The following ALK variants were observed in gnomAD, a reference collection of about 807,000 sequenced individuals.
ALK encodes ALK tyrosine kinase receptor.
ALK carries 74 observed loss-of-function variants against 163.1 expected under a neutral mutation model. That is an observed-to-expected ratio of 0.45 (90% CI 0.38 to 0.55). The LOEUF (loss-of-function observed/expected upper bound fraction) is 0.55. ALK is among the 20% of genes least tolerant of loss of function. The probability of loss-of-function intolerance (pLI) is 0.00; values close to 1 mark genes in which losing one functional copy is unlikely to be tolerated. For missense variants in ALK, 2,063 were observed against 2,105.3 expected (o/e 0.98, Z 0.39); for synonymous variants, 960 against 843.2 (o/e 1.14, Z -2.40).
chr2:29,342,877 CTTTTTTTTTTTT>C (rs57838065), intron 5 of ALK, among the ~76,000 whole-genome samples: 1 of 90,452 alleles, frequency 1.1e-5, no homozygotes, highest in African/African-American at 4.4e-5. Flanking sequence ...GCTCAGTGAT[CTTTTTTTTTTTT>C]TTTTTTTTTT....
intron 4 of ALK, among the ~76,000 whole-genome samples, chr2:29,452,028 T>G (rs1183058540): frequency 6.6e-6 from 1 of 152,204 alleles, no homozygotes; most frequent in Non-Finnish European, 1.5e-5. Flanking sequence ...TAAATATAAG[T>G]AGCTGACATG....
At chr2:29,615,314 T>C (rs1675811051) in intron 3 of ALK, among the ~76,000 whole-genome samples, 1 of 150,654 alleles carries the variant, frequency 6.6e-6, no homozygotes, top group Admixed American at 6.6e-5. Flanking sequence ...CTAACCCCTC[T>C]TTCTTCTGTT....
chr2:29,432,959 C>T (rs1047915786), intron 4 of ALK, among the ~76,000 whole-genome samples: 1 of 152,104 alleles, frequency 6.6e-6, no homozygotes, highest in African/African-American at 2.4e-5. Context: ...CTCTGGGTTT[C>T]CTTATCTGTA....
At chr2:29,452,003 C>A (rs1670830726) in intron 4 of ALK, among the ~76,000 whole-genome samples, 1 of 152,122 alleles carries the variant, frequency 6.6e-6, no homozygotes, top group Non-Finnish European at 1.5e-5. Context: ...TATTTGATTT[C>A]AATCAATAAC....
chr2:29,851,474 T>C (rs1449416020), intron 1 of ALK, among the ~76,000 whole-genome samples: 2 of 152,208 alleles, frequency 1.3e-5, no homozygotes, highest in African/African-American at 4.8e-5. Flanking sequence ...GTCTAAGAGC[T>C]GATTATTTCT....
intron 23 of ALK, among the ~76,000 whole-genome samples, chr2:29,214,298 A>G (rs577546898): frequency 3.9e-5 from 6 of 152,166 alleles, no homozygotes; most frequent in South Asian, 2.1e-4. Context: ...TGGGCATAGT[A>G]TTTGTACATT....
intron 5 of ALK, among the ~76,000 whole-genome samples, chr2:29,374,240 T>C (rs1383601282): frequency 6.6e-6 from 1 of 152,202 alleles, no homozygotes; most frequent in Non-Finnish European, 1.5e-5. Context: ...ACATCTGTTT[T>C]AATTTCCCAA....
At chr2:29,390,578 G>GAA (rs11404229) in intron 4 of ALK, among the ~76,000 whole-genome samples, 18,445 of 145,812 alleles carry the variant, frequency 0.13, 1,223 homozygotes, top group African/African-American at 0.16. Flanking sequence ...GAAAGAAAGA[G>GAA]AAAAAAAAAA....
intron 1 of ALK, among the ~76,000 whole-genome samples, chr2:29,895,338 T>A (rs1372555424): frequency 3.3e-5 from 5 of 152,234 alleles, no homozygotes; most frequent in Non-Finnish European, 5.9e-5. Context: ...AAGTCTTTTT[T>A]CATTCCGAAA....
At chr2:29,651,722 G>C (rs1242051783) in intron 3 of ALK, among the ~76,000 whole-genome samples, 2 of 152,138 alleles carry the variant, frequency 1.3e-5, no homozygotes, top group Non-Finnish European at 1.5e-5. Flanking sequence ...CAGGGGTCCT[G>C]CCTCATCCAG....
intron 4 of ALK, among the ~76,000 whole-genome samples, chr2:29,476,916 G>A (rs188276223): frequency 2.6e-5 from 4 of 152,276 alleles, no homozygotes; most frequent in Admixed American, 1.3e-4. Flanking sequence ...CCCTTTTATC[G>A]TTGGTTGACA....
chr2:29,515,716 T>G (rs549081601), intron 4 of ALK, among the ~76,000 whole-genome samples: 45 of 152,130 alleles, frequency 3.0e-4, no homozygotes, highest in African/African-American at 9.4e-4. Flanking sequence ...GACTTAACAT[T>G]ACTCTCATCA....
intron 12 of ALK, among the ~76,000 whole-genome samples, chr2:29,240,152 C>CAGAGAGAGGGAGAGAGAGAGAGAG (rs142234574): frequency 7.7e-5 from 11 of 143,298 alleles, no homozygotes; most frequent in African/African-American, 2.8e-4. Context: ...AGGGAAACAG[C>CAGAGAGAGGGAGAGAGAGAGAGAG]AGAGAGAGAG....
intron 4 of ALK, among the ~76,000 whole-genome samples, chr2:29,487,133 C>G (rs1232922072): frequency 6.6e-6 from 1 of 152,196 alleles, no homozygotes; most frequent in Non-Finnish European, 1.5e-5. Context: ...ACAAGCGATA[C>G]TCTAACTTTC....
intron 1 of ALK, among the ~76,000 whole-genome samples, chr2:29,732,593 T>C (rs1041100600): frequency 1.3e-5 from 2 of 152,252 alleles, no homozygotes; most frequent in African/African-American, 4.8e-5. Flanking sequence ...TAAATGTTTA[T>C]GGTTCCCCCA....
intron 13 of ALK, among the ~76,000 whole-genome samples, chr2:29,238,984 T>C (rs918547744): frequency 6.6e-6 from 1 of 152,252 alleles, no homozygotes; most frequent in African/African-American, 2.4e-5. Context: ...TAGCACTCAA[T>C]AAATTCCCGT....
intron 3 of ALK, among the ~76,000 whole-genome samples, chr2:29,668,688 T>A (rs972801864): frequency 3.3e-5 from 5 of 152,142 alleles, no homozygotes; most frequent in Non-Finnish European, 5.9e-5. Flanking sequence ...TGGAGAATAT[T>A]CCACGTGTTG....
rs186406607 is a variant in ALK at position 29,454,429 on chromosome 2, G to A, written c.1155-70570C>T. ...CAGCTGTGATGCTATATTTTAATTT[G>A]TATTATTTTCTATGTTGTATTGTTA... On this transcript the variant is annotated intron_variant, in intron 4 of 28. Transcript: ENST00000389048. Among the ~76,000 whole-genome samples the A allele has an allele frequency of 2.2e-3, 335 of 152,144 alleles. 2 individuals carry two copies. The highest frequency in any genetic ancestry group is 0.014 in the Middle Eastern group (4 of 294).
At chr2:29,579,640 C>A (rs1674623167) in intron 3 of ALK, among the ~76,000 whole-genome samples, 1 of 152,176 alleles carries the variant, frequency 6.6e-6, no homozygotes, top group South Asian at 2.1e-4. Context: ...TATGAGCCAT[C>A]CTGAGGCTTC....
Sources: gnomAD v4.1 joint callset for allele counts (sites outside exome capture counted in the v4.1 genomes callset) on GRCh38, gnomAD v4.1.1 for gene constraint, MANE v1.5 for transcripts, NCBI Gene and HGNC (gene_info 2026-07-23, HGNC 2026-07-21) for gene names.